ATP6V0D2: variants seen among roughly 807,000 people sequenced by gnomAD.
ATP6V0D2 encodes ATPase H+ transporting V0 subunit d2.
In ATP6V0D2, 40 loss-of-function variants were observed where a neutral mutation model predicts 40.0. The ratio of observed to expected loss-of-function variants is 1.00; its 90% CI spans 0.78 to 1.30. The LOEUF (loss-of-function observed/expected upper bound fraction) is 1.30, where lower values mean the gene tolerates loss of function less well. Ranked by LOEUF, ATP6V0D2 falls within the 50% of genes most tolerant of loss-of-function variation. ATP6V0D2 has a pLI of 0.00. For missense variants in ATP6V0D2, 470 were observed against 423.1 expected, an observed-to-expected ratio of 1.11 and a Z score of -0.97; for synonymous variants, 179 against 156.3, an observed-to-expected ratio of 1.15 and a Z score of -1.08.
Position 86,114,139 on chromosome 8 carries a change from TAA to T in ATP6V0D2, c.302+269_302+270del, listed in dbSNP as rs11367022. 4.0e-5 allele frequency among the ~76,000 whole-genome samples: 6 copies of T among 149,960 alleles called. No individual in the cohort carries two copies. In the East Asian group the frequency reaches 5.9e-4, roughly 15 times the overall value. ...TAAAGGAATCTTTTCAGTTTTCATT[TAA>T]AAAAAAAAAGTGTTGCCAGTGTTTA... On this transcript the variant is annotated intron_variant, in intron 2 of 7. Transcript: ENST00000285393.
intron 5 of ATP6V0D2, among the ~76,000 whole-genome samples, chr8:86,149,457 G>A (rs1271916780): frequency 6.6e-6 from 1 of 152,176 alleles, no homozygotes; most frequent in African/African-American, 2.4e-5. Context: ...GGAAGATCAT[G>A]TAGCCACATT....
At chr8:86,136,300 T>C (rs1161861841) in intron 2 of ATP6V0D2, among the ~76,000 whole-genome samples, 1 of 152,220 alleles carries the variant, frequency 6.6e-6, no homozygotes. Flanking sequence ...GGGTGTTATA[T>C]GCAGGCTGCA....
At chr8:86,137,104 A>T (rs1031183019) in intron 2 of ATP6V0D2, among the ~76,000 whole-genome samples, 13 of 152,010 alleles carry the variant, frequency 8.6e-5, no homozygotes, top group African/African-American at 2.9e-4. Flanking sequence ...CATGAACTCC[A>T]TTCTTTAAGC....
chr8:86,128,376 A>G (rs1380880059), intron 2 of ATP6V0D2, among the ~76,000 whole-genome samples: 2 of 152,102 alleles, frequency 1.3e-5, no homozygotes, highest in African/African-American at 4.8e-5. Context: ...CAAACAAACA[A>G]ACAATAAAAG....
At chr8:86,119,185 C>T (rs971844811) in intron 2 of ATP6V0D2, among the ~76,000 whole-genome samples, 4 of 151,460 alleles carry the variant, frequency 2.6e-5, no homozygotes, top group African/African-American at 7.3e-5. Flanking sequence ...GTCAAAGGTT[C>T]CGCTCACTGA....
At chr8:86,145,333 AGAAGGAAAGAAGGAAAGAAG>A (rs1414649092) in intron 5 of ATP6V0D2, among the ~76,000 whole-genome samples, 3 of 49,046 alleles carry the variant, frequency 6.1e-5, no homozygotes, top group African/African-American at 2.5e-4. Context: ...AAAGAAGGAA[AGAAGGAAAGAAGGAAAGAAG>A]GAAGGAAGGA....
At chr8:86,145,056 G>T (rs959098162) in intron 5 of ATP6V0D2, among the ~76,000 whole-genome samples, 1 of 150,964 alleles carries the variant, frequency 6.6e-6, no homozygotes, top group South Asian at 2.1e-4. Flanking sequence ...CCAGCTTCTT[G>T]TGAGGCTGAG....
At chr8:86,113,276 C>G (rs1378003892) in intron 1 of ATP6V0D2, among the ~76,000 whole-genome samples, 1 of 151,866 alleles carries the variant, frequency 6.6e-6, no homozygotes, top group Non-Finnish European at 1.5e-5. Flanking sequence ...GTCAGGAGTT[C>G]GAGACCAGCC....
At chr8:86,146,928 G>C (rs1028972065) in intron 5 of ATP6V0D2, among the ~76,000 whole-genome samples, 4 of 151,752 alleles carry the variant, frequency 2.6e-5, no homozygotes, top group Non-Finnish European at 5.9e-5. Flanking sequence ...GACTTCAAGA[G>C]ACTTAATATG....
chr8:86,116,890 T>C lies in ATP6V0D2; in HGVS notation c.302+3010T>C, dbSNP rs761232707. On this transcript the variant is annotated intron_variant, in intron 2 of 7. Coordinates refer to ENST00000285393, the MANE Select transcript of ATP6V0D2 (RefSeq NM_152565.1). ...CTTTTACCATTACCAACATTGGATA[T>C]TTTCTTTTTAATTTTTGCCAGTCCA... Among the ~76,000 whole-genome samples the C allele has an allele frequency of 2.6e-5, 4 of 152,178 alleles. No homozygotes were observed. The East Asian group carries it at 7.7e-4, about 29-fold the overall frequency.
At chr8:86,105,491 T>C (rs1376456967) in intron 1 of ATP6V0D2, among the ~76,000 whole-genome samples, 1 of 151,890 alleles carries the variant, frequency 6.6e-6, no homozygotes, top group Non-Finnish European at 1.5e-5. Flanking sequence ...AGAGACAGGG[T>C]TTATTCATGT....
intron 3 of ATP6V0D2, among the ~76,000 whole-genome samples, chr8:86,140,327 A>G (rs941384756): frequency 2.0e-5 from 3 of 152,254 alleles, no homozygotes; most frequent in African/African-American, 7.2e-5. Context: ...TATTTTAAAA[A>G]GCAAAAAAAA....
chr8:86,119,238 T>G (rs1818636623), intron 2 of ATP6V0D2, among the ~76,000 whole-genome samples: 2 of 149,868 alleles, frequency 1.3e-5, no homozygotes, highest in South Asian at 4.3e-4. Context: ...GGATCTTTTT[T>G]TTTTTTTTTT....
In ATP6V0D2 at chr8:86,113,808, G is replaced by A; in HGVS notation, c.230G>A (p.Arg77Lys). 1 of 1,613,958 alleles carries A rather than the reference G, an allele frequency of 6.2e-7. No individual in the cohort carries two copies. Among genetic ancestry groups the A allele is most frequent in the East Asian group, 2.2e-5 (1 of 44,850 alleles). ...VSKIDTEMRKRLCGEFEYFRN... is the reference protein window; with the variant it reads ...VSKIDTEMRKKLCGEFEYFRN... ...AAAATTGACACTGAGATGAGGAAAA[G>A]ACTATGTGGAGAATTTGAGTATTTC... Residue 77 changes from arginine to lysine, a missense_variant, in exon 2 of 8, where the codon AGA (arginine) becomes AAA (lysine). Arg to Lys is a conservative substitution (Grantham distance 26, BLOSUM62 2). Transcript: ENST00000285393.
chr8:86,120,318 T>C (rs930067376), intron 2 of ATP6V0D2, among the ~76,000 whole-genome samples: 1 of 152,094 alleles, frequency 6.6e-6, no homozygotes, highest in African/African-American at 2.4e-5. Context: ...GGAGGATTGC[T>C]TGAGTCTAGG....
intron 1 of ATP6V0D2, 40 bp downstream of exon 1, chr8:86,099,148 A>T: frequency 6.4e-7 from 1 of 1,560,122 alleles, no homozygotes; most frequent in Non-Finnish European, 8.6e-7. Flanking sequence ...AGAAAAAAAA[A>T]AAAATGAAAT....
intron 2 of ATP6V0D2, among the ~76,000 whole-genome samples, chr8:86,134,735 T>A (rs1818875112): frequency 1.3e-5 from 2 of 152,172 alleles, no homozygotes; most frequent in Non-Finnish European, 2.9e-5. Flanking sequence ...TTCTTAGCAG[T>A]TGTTATTCAT....
intron 1 of ATP6V0D2, among the ~76,000 whole-genome samples, chr8:86,109,332 T>G (rs569068959): frequency 3.0e-4 from 45 of 152,306 alleles, no homozygotes; most frequent in Admixed American, 1.5e-3. Context: ...TTTTGAAAAG[T>G]ATAAAACTAT....
At chr8:86,113,132 GTT>G (rs577075560) in intron 1 of ATP6V0D2, among the ~76,000 whole-genome samples, 1 of 143,704 alleles carries the variant, frequency 7.0e-6, no homozygotes. Context: ...TGTTTGTTAG[GTT>G]TTTTTTTTTT....
Sources: allele counts gnomAD v4.1 joint callset (sites outside exome capture counted in the v4.1 genomes callset), GRCh38; gene constraint gnomAD v4.1.1; transcripts MANE v1.5; gene names NCBI Gene and HGNC (gene_info 2026-07-23, HGNC 2026-07-21).